FHOD3: variants seen among roughly 807,000 people sequenced by gnomAD.
FHOD3 encodes formin homology 2 domain containing 3.
Under a neutral mutation model 173.0 loss-of-function variants are expected in FHOD3, and 90 were observed. That is an observed-to-expected ratio of 0.52 (90% confidence interval 0.44 to 0.62). The LOEUF is 0.62. Ranked by LOEUF, FHOD3 falls within the 20% of genes least tolerant of loss-of-function variation. The pLI is 0.00. For synonymous variants in FHOD3, 828 were observed against 823.0 expected (o/e 1.01, Z -0.10); for missense variants, 1,945 against 2,034.7 (o/e 0.96, Z 0.85).
intron 14 of FHOD3, among the ~76,000 whole-genome samples, chr18:36,668,670 T>C (rs2037340210): frequency 1.3e-5 from 2 of 152,052 alleles, no homozygotes; most frequent in Non-Finnish European, 2.9e-5. Flanking sequence ...CAAAGTTTAA[T>C]ATGTTGTGTT....
intron 5 of FHOD3, among the ~76,000 whole-genome samples, chr18:36,561,248 T>C (rs1213939131): frequency 6.6e-6 from 1 of 152,252 alleles, no homozygotes; most frequent in Non-Finnish European, 1.5e-5. Flanking sequence ...AAAACAATTC[T>C]GTTCTAATGA....
chr18:36,650,926 C>T (rs1222872241), intron 11 of FHOD3, among the ~76,000 whole-genome samples: 1 of 152,182 alleles, frequency 6.6e-6, no homozygotes, highest in Non-Finnish European at 1.5e-5. Context: ...GCATCCTTTA[C>T]CAGAGACCAT....
rs558853103 is a variant in FHOD3 at position 36,466,490 on chromosome 18, A to G, written c.338-35442A>G. On this transcript the variant is annotated intron_variant, in intron 3 of 28. Transcript: ENST00000590592. ...AAGTTACAGGCAAAATCATAAATCA[A>G]TAATACATGGAGGTTACACGTTGGT... is the stretch of plus-strand genomic sequence containing the variant. 3.1e-4 allele frequency among the ~76,000 whole-genome samples: 47 copies of G among 152,306 alleles called. 1 individual carries two copies. In the South Asian group the frequency reaches 8.7e-3, roughly 28 times the overall value.
At chr18:36,460,507 T>C (rs919979370) in intron 3 of FHOD3, among the ~76,000 whole-genome samples, 1 of 152,206 alleles carries the variant, frequency 6.6e-6, no homozygotes, top group African/African-American at 2.4e-5. Flanking sequence ...GAGGTCCTTT[T>C]TCCAGGGAGC....
intron 5 of FHOD3, among the ~76,000 whole-genome samples, chr18:36,521,220 G>A (rs1306980611): frequency 6.6e-6 from 1 of 152,078 alleles, no homozygotes; most frequent in Non-Finnish European, 1.5e-5. Flanking sequence ...TCTTGGCAGG[G>A]TACCACGCCT....
intron 1 of FHOD3, among the ~76,000 whole-genome samples, chr18:36,298,514 C>T (rs2091867340): frequency 6.6e-6 from 1 of 152,176 alleles, no homozygotes; most frequent in Admixed American, 6.5e-5. Context: ...GCACGCTTCC[C>T]GGCGACACCG....
intron 3 of FHOD3, among the ~76,000 whole-genome samples, chr18:36,495,087 C>G (rs1352725553): frequency 6.6e-6 from 1 of 152,094 alleles, no homozygotes; most frequent in Non-Finnish European, 1.5e-5. Flanking sequence ...GGGCTGTAGG[C>G]CACCACCCCT....
chr18:36,323,038 T>C (rs1036635802), intron 1 of FHOD3, among the ~76,000 whole-genome samples: 3 of 152,104 alleles, frequency 2.0e-5, no homozygotes, highest in Non-Finnish European at 4.4e-5. Flanking sequence ...ACGCTTGCAA[T>C]CTCCCTGAGC....
chr18:36,617,194 C>T (rs971604927), intron 9 of FHOD3, among the ~76,000 whole-genome samples: 1 of 152,146 alleles, frequency 6.6e-6, no homozygotes, highest in Admixed American at 6.5e-5. Flanking sequence ...CTAGTTAATT[C>T]GCATATTTAT....
intron 5 of FHOD3, among the ~76,000 whole-genome samples, chr18:36,568,261 C>T (rs114304126): frequency 0.01 from 1,353 of 132,850 alleles, 18 homozygotes; most frequent in African/African-American, 0.036. Context: ...TCACTTGAAC[C>T]GGGGAGGCAG....
intron 3 of FHOD3, among the ~76,000 whole-genome samples, chr18:36,436,355 G>T (rs1181204895): frequency 1.3e-5 from 2 of 152,022 alleles, no homozygotes; most frequent in Non-Finnish European, 2.9e-5. Context: ...TATTTATTGG[G>T]ATTGCAGTGA....
chr18:36,478,949 G>A (rs778935529), intron 3 of FHOD3, among the ~76,000 whole-genome samples: 48 of 152,254 alleles, frequency 3.2e-4, no homozygotes, highest in Middle Eastern at 3.4e-3. Flanking sequence ...AAATATCAAA[G>A]AGAGGATTCT....
chr18:36,297,912 G>A lies in FHOD3; in HGVS notation c.77G>A (p.Ser26Asn). The A allele has an allele frequency of 6.4e-7, 1 of 1,558,846 alleles. No homozygotes were observed. Among genetic ancestry groups the A allele is most frequent in the Admixed American group, 1.9e-5 (1 of 52,808 alleles). ...AACAGCACCAACTTCCCCGAGCCCA[G>A]CCGGCCGCCGCTGTTCACGTTCCGC... ...PFNSTNFPEPSRPPLFTFRED... is the reference protein window; with the variant it reads ...PFNSTNFPEPNRPPLFTFRED... Residue 26 changes from serine (S) to asparagine (N), a missense_variant, in exon 1 of 29, where the codon AGC becomes AAC. Coordinates refer to ENST00000590592, the MANE Select transcript of FHOD3 (RefSeq NM_001281740.3).
In FHOD3 at chr18:36,557,070, A is replaced by G. The variant is rs956075860; in HGVS notation, c.512-19381A>G. Among the ~76,000 whole-genome samples the G allele has an allele frequency of 4.6e-5, 7 of 152,060 alleles. No individual in the cohort carries two copies. In the South Asian group the frequency reaches 1.0e-3, roughly 22 times the overall value. ...TATCTTTTTGTTTTGTTTCATATGC[A>G]TCTATTTTCTGTTCTTCTGTATCAA... is the stretch of plus-strand genomic sequence containing the variant. On this transcript the variant is annotated intron_variant, in intron 5 of 28. Transcript: ENST00000590592.
rs189470641 is a variant in FHOD3, at chr18:36,526,529, G to A, written c.511+13986G>A. Among the ~76,000 whole-genome samples the A allele has an allele frequency of 4.6e-5, 7 of 151,842 alleles. No homozygotes were observed. The South Asian group carries it at 8.3e-4, about 18-fold the overall frequency. On this transcript the variant is annotated intron_variant, in intron 5 of 28. Transcript: ENST00000590592. ...CAACCTCCGCCTCCTGCGTTCCAGC[G>A]ATTCTCCTGCCTCAGCCTCACCACC...
chr18:36,740,218 C>G (rs1452186004), intron 20 of FHOD3, among the ~76,000 whole-genome samples: 1 of 152,146 alleles, frequency 6.6e-6, no homozygotes, highest in African/African-American at 2.4e-5. Flanking sequence ...ACTTAAGGTA[C>G]TATCATTTCT....
intron 24 of FHOD3, among the ~76,000 whole-genome samples, chr18:36,747,948 ACCTT>A (rs1346993980): frequency 2.7e-5 from 4 of 150,234 alleles, no homozygotes; most frequent in Admixed American, 2.6e-4. Flanking sequence ...TCCTTCTTTC[ACCTT>A]CCTTAAGCCT....
At chr18:36,304,746 G>A (rs900428930) in intron 1 of FHOD3, among the ~76,000 whole-genome samples, 1 of 152,214 alleles carries the variant, frequency 6.6e-6, no homozygotes, top group Non-Finnish European at 1.5e-5. Flanking sequence ...TAAGCGAAAT[G>A]CTAAGGTAGA....
chr18:36,312,482 G>T (rs1343480726), intron 1 of FHOD3, among the ~76,000 whole-genome samples: 1 of 152,086 alleles, frequency 6.6e-6, no homozygotes, highest in African/African-American at 2.4e-5. Flanking sequence ...CATTGAACCT[G>T]CCCCGCATCT....
Sources: gnomAD v4.1 joint callset for allele counts (sites outside exome capture counted in the v4.1 genomes callset) on GRCh38, gnomAD v4.1.1 for gene constraint, MANE v1.5 for transcripts, NCBI Gene and HGNC (gene_info 2026-07-23, HGNC 2026-07-21) for gene names.